The following WFDC8 variants were observed in gnomAD, a reference collection of about 807,000 sequenced individuals.
The protein encoded by WFDC8 is WAP four-disulfide core domain protein 8.
WFDC8 carries 24 observed loss-of-function variants against 27.0 expected under a neutral mutation model. The observed-to-expected ratio is 0.89, with a 90% CI of 0.64 to 1.25. The LOEUF (loss-of-function observed/expected upper bound fraction) is 1.25, where lower values mean the gene tolerates loss of function less well. Among genes scored for constraint, WFDC8 ranks in the 50% most tolerant of loss-of-function variants. The probability of loss-of-function intolerance (pLI) is 0.00; values close to 1 mark genes in which losing one functional copy is unlikely to be tolerated. For missense variants in WFDC8, 287 were observed against 295.9 expected, an observed-to-expected ratio of 0.97 and a Z score of 0.22; for synonymous variants, 106 against 99.7, an observed-to-expected ratio of 1.06 and a Z score of -0.38.
chr20:45,567,475 A>G (rs1449998767), intron 1 of WFDC8, among the ~76,000 whole-genome samples: 1 of 152,232 alleles, frequency 6.6e-6, no homozygotes, highest in African/African-American at 2.4e-5. Context: ...CATGTAACAC[A>G]GGTGTTTATG....
intron 4 of WFDC8, among the ~76,000 whole-genome samples, chr20:45,554,329 G>A (rs560163122): frequency 3.3e-5 from 5 of 152,154 alleles, no homozygotes; most frequent in African/African-American, 7.2e-5. Flanking sequence ...TGCCTGGCCC[G>A]AGGTTCTGTT....
chr20:45,554,155 G>A (rs1475089923), intron 4 of WFDC8, among the ~76,000 whole-genome samples: 1 of 151,272 alleles, frequency 6.6e-6, no homozygotes, highest in Non-Finnish European at 1.5e-5. Flanking sequence ...CACCATGCCT[G>A]TTTTTTTTGT....
intron 1 of WFDC8, among the ~76,000 whole-genome samples, chr20:45,578,273 C>T (rs1209042926): frequency 2.0e-5 from 3 of 151,262 alleles, no homozygotes; most frequent in African/African-American, 7.3e-5. Flanking sequence ...TTTGCTAATC[C>T]GGTGTTCACA....
chr20:45,576,462 C>T (rs1981049814), intron 1 of WFDC8, among the ~76,000 whole-genome samples: 2 of 151,116 alleles, frequency 1.3e-5, no homozygotes, highest in Admixed American at 6.6e-5. Flanking sequence ...CGCAGTGGCA[C>T]GATCTTGGCT....
At chr20:45,572,327 G>T (rs1477244451) in intron 1 of WFDC8, among the ~76,000 whole-genome samples, 1 of 150,574 alleles carries the variant, frequency 6.6e-6, no homozygotes, top group Non-Finnish European at 1.5e-5. Flanking sequence ...AACCCAGGAG[G>T]TGGAGCTTGC....
At chr20:45,558,613 A>G (rs1343677830) in intron 3 of WFDC8, among the ~76,000 whole-genome samples, 1 of 152,204 alleles carries the variant, frequency 6.6e-6, no homozygotes, top group Non-Finnish European at 1.5e-5. Context: ...GCATGCAACA[A>G]GTATTAGTTA....
chr20:45,555,791 G>A lies in WFDC8; in HGVS notation c.355C>T (p.Arg119Cys), dbSNP rs553616555. Reference protein sequence around the residue: ...QRWHFDFKNYRCTPFKYRGCE... With the variant: ...QRWHFDFKNYCCTPFKYRGCE... ...CCCCTGTATTTGAAGGGTGTGCAGC[G>A]GTAATTTTTAAAGTCAAAATGCCAG... The change falls in exon 4 of 6, where the codon CGC becomes TGC. Residue 119 changes from arginine (R) to cysteine (C), a missense_variant. Arg to Cys is a radical substitution (Grantham distance 180). Transcript: ENST00000289953. The A allele has an allele frequency of 5.1e-5, 83 of 1,613,818 alleles. No homozygotes were observed. Among genetic ancestry groups the A allele is most frequent in the Middle Eastern group, 1.7e-4 (1 of 5,848 alleles).
At chr20:45,572,313 C>G (rs376067784) in intron 1 of WFDC8, among the ~76,000 whole-genome samples, 1 of 146,410 alleles carries the variant, frequency 6.8e-6, no homozygotes, top group African/African-American at 2.5e-5. Context: ...AGGAGAATGG[C>G]GTGAACCCAG....
At chr20:45,568,510 G>T in intron 1 of WFDC8, 1 of 371,970 alleles carries the variant, frequency 2.7e-6, no homozygotes, top group Non-Finnish European at 5.5e-6. Context: ...TCTTGATAGA[G>T]ACACACCTGA....
intron 1 of WFDC8, among the ~76,000 whole-genome samples, chr20:45,567,403 T>TAAATTA (rs1980717145): frequency 6.6e-6 from 1 of 152,192 alleles, no homozygotes; most frequent in Non-Finnish European, 1.5e-5. Flanking sequence ...AATACCAGTG[T>TAAATTA]AAATTAACAC....
At chr20:45,556,787 A>G (rs1980272812) in intron 3 of WFDC8, among the ~76,000 whole-genome samples, 1 of 152,212 alleles carries the variant, frequency 6.6e-6, no homozygotes, top group South Asian at 2.1e-4. Flanking sequence ...TGCAACAACA[A>G]CAAACTATTT....
At position 45,565,095 on chromosome 20, in the gene WFDC8, G is replaced by A. The variant is rs1472860949; in HGVS notation, c.27-2876C>T. On this transcript the variant is annotated intron_variant, in intron 1 of 5. Transcript: ENST00000289953. The stretch of plus-strand genomic sequence containing the variant: ...GAAAGGAAGAAAGAGAAAGAGGGAG[G>A]GAAAGAAGGAAAGAAGGAAGGAGAG... Among the ~76,000 whole-genome samples, 4 of 148,034 alleles carry A rather than the reference G, an allele frequency of 2.7e-5. No individual in the cohort carries two copies. In the East Asian group the frequency reaches 8.0e-4, roughly 30 times the overall value.
intron 1 of WFDC8, among the ~76,000 whole-genome samples, chr20:45,571,797 A>C: frequency 6.6e-6 from 1 of 152,224 alleles, no homozygotes; most frequent in East Asian, 1.9e-4. Flanking sequence ...ATGTTATTGC[A>C]AATGACAGAA....
intron 5 of WFDC8, among the ~76,000 whole-genome samples, chr20:45,552,512 C>T (rs891208853): frequency 4.6e-5 from 7 of 152,238 alleles, no homozygotes; most frequent in South Asian, 2.1e-4. Flanking sequence ...GGCATTGAGG[C>T]GTATTTAGAG....
chr20:45,556,313 C>T (rs1980248151), intron 3 of WFDC8, among the ~76,000 whole-genome samples: 1 of 152,172 alleles, frequency 6.6e-6, no homozygotes, highest in Non-Finnish European at 1.5e-5. Context: ...TGTACTTTTG[C>T]TAATGACTTA....
At chr20:45,563,020 T>A (rs1426552549) in intron 1 of WFDC8, among the ~76,000 whole-genome samples, 3 of 152,198 alleles carry the variant, frequency 2.0e-5, no homozygotes, top group African/African-American at 7.2e-5. Context: ...GAACTTCCGA[T>A]ACTGAGAAAG....
At chr20:45,556,839 C>T (rs192885871) in intron 3 of WFDC8, among the ~76,000 whole-genome samples, 21 of 152,252 alleles carry the variant, frequency 1.4e-4, no homozygotes, top group Admixed American at 6.5e-4. Context: ...GGATTTTACA[C>T]GACAACCAAT....
chr20:45,579,169 T>A, intron 1 of WFDC8, 53 bp downstream of exon 1: 3 of 1,586,394 alleles, frequency 1.9e-6, no homozygotes, highest in Non-Finnish European at 2.6e-6. Context: ...CTCATCTCCT[T>A]GGGCTCAGAC....
At position 45,555,859 on chromosome 20, in the gene WFDC8, A is replaced by C. The variant is rs2272955; in HGVS notation, c.287T>G (p.Met96Arg). 6.2e-7 allele frequency: 1 copy of C among 1,613,620 alleles called. No individual in the cohort carries two copies. The highest frequency in any genetic ancestry group is 1.3e-5 in the African/African-American group (1 of 74,848). The change falls in exon 4 of 6, where the codon ATG (methionine) becomes AGG (arginine). Residue 96 changes from methionine to arginine, a missense_variant. Coordinates refer to ENST00000289953, the MANE Select transcript of WFDC8 (RefSeq NM_130896.3). Reference sequence around the variant, plus strand: ...ACAGTTTCCATGCCTCACAGGTAGCATGCAGGGTTCTGAGGTCAGGAAGCA... The same window carrying C: ...ACAGTTTCCATGCCTCACAGGTAGCCTGCAGGGTTCTGAGGTCAGGAAGCA... ...KCMDPFQEPC[M>R]LPVRHGNCNH...
Sources: allele counts gnomAD v4.1 joint callset (sites outside exome capture counted in the v4.1 genomes callset), GRCh38; gene constraint gnomAD v4.1.1; transcripts MANE v1.5; gene names NCBI Gene and HGNC (gene_info 2026-07-23, HGNC 2026-07-21).